The following PSD3 variants were observed in gnomAD, a reference collection of about 807,000 sequenced individuals.
PSD3 encodes the protein pleckstrin and Sec7 domain containing 3, also known as PH and SEC7 domain-containing protein 3.
PSD3 carries 49 observed loss-of-function variants against 105.5 expected under a neutral mutation model. The observed-to-expected ratio is 0.46, with a 90% CI of 0.37 to 0.59. The LOEUF is 0.59. Among genes scored for constraint, PSD3 ranks in the 20% least tolerant of loss-of-function variants. The pLI, the probability that PSD3 is intolerant of heterozygous loss-of-function variation, is 0.00. For synonymous variants in PSD3, 557 were observed against 457.8 expected (o/e 1.22, Z -2.77); for missense variants, 1,561 against 1,263.8 (o/e 1.24, Z -3.57).
intron 8 of PSD3, among the ~76,000 whole-genome samples, chr8:18,789,831 A>G (rs906495276): frequency 1.3e-5 from 2 of 152,212 alleles, no homozygotes; most frequent in Non-Finnish European, 2.9e-5. Context: ...ATTTGCAGAA[A>G]GTAAGAAAGA....
chr8:18,919,110 T>C (rs572877911), intron 2 of PSD3, among the ~76,000 whole-genome samples: 1 of 152,168 alleles, frequency 6.6e-6, no homozygotes, highest in South Asian at 2.1e-4. Context: ...CCTGCAAATA[T>C]GCTCAGTTTC....
Position 18,833,222 on chromosome 8 carries a change from T to G in PSD3, c.1635-28324A>C, listed in dbSNP as rs549961202. ...GCCCCAGGCAAGATAACAAGACATA[T>G]TTTAAAAAGCAAGGGACATTCACTC... On this transcript the variant is annotated intron_variant, in intron 4 of 15. Transcript: ENST00000327040. 2.0e-5 allele frequency among the ~76,000 whole-genome samples: 3 copies of G among 152,260 alleles called. No individual in the cohort carries two copies. In the East Asian group the frequency reaches 5.8e-4, roughly 29 times the overall value.
At chr8:18,800,016 TC>T (rs1810544626) in intron 7 of PSD3, among the ~76,000 whole-genome samples, 1 of 152,198 alleles carries the variant, frequency 6.6e-6, no homozygotes, top group South Asian at 2.1e-4. Context: ...GTTATCAGTG[TC>T]TCTAAATAGA....
intron 1 of PSD3, among the ~76,000 whole-genome samples, chr8:18,995,117 T>C (rs1311127058): frequency 2.0e-5 from 3 of 152,162 alleles, no homozygotes; most frequent in Non-Finnish European, 4.4e-5. Context: ...GATTTGGCCT[T>C]AGCAAGTAGG....
At chr8:18,934,011 G>GT (rs962878542) in intron 2 of PSD3, among the ~76,000 whole-genome samples, 54 of 152,048 alleles carry the variant, frequency 3.6e-4, no homozygotes, top group East Asian at 2.9e-3. Flanking sequence ...TAATTTAGCT[G>GT]TTTTTTTTAC....
chr8:18,801,358 A>G lies in PSD3; in HGVS notation c.1935T>C (p.Leu645=), dbSNP rs145895248. Reference sequence around the variant, plus strand: ...TCTCTCGTTCTTGAGTTTCTCCCACAAGAGAGAATGCTTTAAAGAAATACC... The same window carrying G: ...TCTCTCGTTCTTGAGTTTCTCCCACGAGAGAGAATGCTTTAAAGAAATACC... The part of the protein sequence containing the change: ...SLRYFFKAFS[L]VGETQERERV... Residue 645 remains leucine, a synonymous_variant, in exon 7 of 16, where the codon CTT becomes CTC. Transcript: ENST00000327040. 491 of 1,603,926 alleles carry G rather than the reference A, an allele frequency of 3.1e-4. 1 individual carries two copies. In the African/African-American group the frequency reaches 6.0e-3, roughly 20 times the overall value.
At chr8:18,745,756 C>G (rs1303656909) in intron 9 of PSD3, among the ~76,000 whole-genome samples, 1 of 152,066 alleles carries the variant, frequency 6.6e-6, no homozygotes, top group Non-Finnish European at 1.5e-5. Flanking sequence ...ATATACATAC[C>G]CATCATGCAA....
chr8:18,769,861 T>C (rs140517286), intron 8 of PSD3, among the ~76,000 whole-genome samples: 17 of 152,350 alleles, frequency 1.1e-4, no homozygotes, highest in Middle Eastern at 3.4e-3. Context: ...GATATACCAA[T>C]TGTGTTTCTT....
intron 12 of PSD3, among the ~76,000 whole-genome samples, chr8:18,580,574 C>T (rs1438265528): frequency 1.3e-5 from 2 of 151,818 alleles, no homozygotes; most frequent in African/African-American, 4.8e-5. Context: ...AAAACAAGCC[C>T]CCAAAACAAA....
chr8:18,642,006 A>G (rs1585475248), intron 10 of PSD3, among the ~76,000 whole-genome samples: 1 of 152,216 alleles, frequency 6.6e-6, no homozygotes, highest in Admixed American at 6.5e-5. Context: ...AGGAATCCTA[A>G]AAGTAAAAAA....
At chr8:18,752,511 A>T (rs566029242) in intron 9 of PSD3, among the ~76,000 whole-genome samples, 87 of 57,606 alleles carry the variant, frequency 1.5e-3, no homozygotes, top group African/African-American at 8.8e-3. Flanking sequence ...AATATATATA[A>T]TATATGTAAT....
At chr8:18,896,844 CTT>C (rs991599236) in intron 2 of PSD3, among the ~76,000 whole-genome samples, 9 of 151,792 alleles carry the variant, frequency 5.9e-5, no homozygotes, top group African/African-American at 2.2e-4. Context: ...GAGTTTTGCT[CTT>C]GTTGCCCAGG....
chr8:19,028,278 A>AAC (rs1827633283), intron 1 of PSD3, among the ~76,000 whole-genome samples: 1 of 94,016 alleles, frequency 1.1e-5, no homozygotes, highest in Admixed American at 1.3e-4. Context: ...CTCTCACACC[A>AAC]CCCCCCCCCC....
chr8:18,745,501 C>G (rs1000303984), intron 9 of PSD3, among the ~76,000 whole-genome samples: 4 of 152,174 alleles, frequency 2.6e-5, no homozygotes, highest in South Asian at 2.1e-4. Flanking sequence ...TGGCACACCA[C>G]CCTCTTCTTT....
intron 12 of PSD3, among the ~76,000 whole-genome samples, chr8:18,587,974 G>A (rs1399502225): frequency 6.6e-6 from 1 of 152,116 alleles, no homozygotes; most frequent in African/African-American, 2.4e-5. Context: ...AACCAGCAGT[G>A]GGACATTAGT....
At chr8:18,949,235 AAAAAAAAAAATATATAT>A (rs1586502999) in intron 1 of PSD3, among the ~76,000 whole-genome samples, 1 of 81,670 alleles carries the variant, frequency 1.2e-5, no homozygotes. Context: ...AAAAAAAAAA[AAAAAAAAAAATATATAT>A]ATATATATAT....
At chr8:18,998,609 C>T (rs1431640805) in intron 1 of PSD3, among the ~76,000 whole-genome samples, 6 of 152,002 alleles carry the variant, frequency 3.9e-5, no homozygotes, top group Non-Finnish European at 8.8e-5. Context: ...ATCGCTTGAA[C>T]GCGGGAGGCG....
At chr8:18,831,368 A>T (rs933823466) in intron 4 of PSD3, among the ~76,000 whole-genome samples, 1 of 152,238 alleles carries the variant, frequency 6.6e-6, no homozygotes, top group Non-Finnish European at 1.5e-5. Flanking sequence ...GTAATTTCAC[A>T]TAAAATCAGT....
At chr8:18,746,585 T>C (rs1805049002) in intron 9 of PSD3, among the ~76,000 whole-genome samples, 1 of 152,170 alleles carries the variant, frequency 6.6e-6, no homozygotes, top group Non-Finnish European at 1.5e-5. Context: ...CAGTAATAGT[T>C]TCAGAATTAA....
Sources: gnomAD v4.1 joint callset for allele counts (sites outside exome capture counted in the v4.1 genomes callset) on GRCh38, gnomAD v4.1.1 for gene constraint, MANE v1.5 for transcripts, NCBI Gene and HGNC (gene_info 2026-07-23, HGNC 2026-07-21) for gene names.